The following KCNN3 variants were observed in gnomAD, a reference collection of about 807,000 sequenced individuals.
KCNN3 encodes small conductance calcium-activated potassium channel protein 3.
A neutral mutation model predicts 62.9 loss-of-function variants in KCNN3; 16 were observed. The ratio of observed to expected loss-of-function variants is 0.25; its 90% confidence interval spans 0.17 to 0.39. The LOEUF is 0.39. KCNN3 is among the 10% of genes least tolerant of loss of function. KCNN3 has a pLI of 1.00. For missense variants in KCNN3, 599 were observed against 949.4 expected, an observed-to-expected ratio of 0.63 and a Z score of 4.85; for synonymous variants, 370 against 389.2, an observed-to-expected ratio of 0.95 and a Z score of 0.58.
At chr1:154,831,055 A>G (rs1651360720) in intron 1 of KCNN3, among the ~76,000 whole-genome samples, 1 of 152,206 alleles carries the variant, frequency 6.6e-6, no homozygotes, top group South Asian at 2.1e-4. Context: ...CAAAGATTCC[A>G]TGCGATTCAA....
intron 1 of KCNN3, among the ~76,000 whole-genome samples, chr1:154,834,366 G>A (rs1651496303): frequency 6.6e-6 from 1 of 152,204 alleles, no homozygotes; most frequent in South Asian, 2.1e-4. Flanking sequence ...AAGACTCCTT[G>A]GGTGCTGGTC....
At chr1:154,859,879 G>GA (rs1288827655) in intron 1 of KCNN3, 1 of 1,509,078 alleles carries the variant, frequency 6.6e-7, no homozygotes, top group East Asian at 2.4e-5. Context: ...TGTCCTTTAA[G>GA]AAAAATGCCC....
chr1:154,802,607 G>C (rs921129785), intron 2 of KCNN3, among the ~76,000 whole-genome samples: 2 of 152,260 alleles, frequency 1.3e-5, no homozygotes, highest in East Asian at 1.9e-4. Flanking sequence ...ACTCAGTCAT[G>C]GTTTAGGAAG....
At chr1:154,709,426 G>A (rs530672686) in intron 7 of KCNN3, among the ~76,000 whole-genome samples, 6 of 152,176 alleles carry the variant, frequency 3.9e-5, no homozygotes, top group Admixed American at 1.3e-4. Context: ...CCTATTTCAC[G>A]TGAAATTTCA....
In KCNN3 at chr1:154,869,620, G is replaced by A. The variant is rs1295917259; in HGVS notation, c.345C>T (p.Asn115=). Residue 115 remains asparagine (N), a synonymous_variant, in exon 1 of 8, where the codon AAC becomes AAT. Transcript: ENST00000271915. The surrounding 1 kb of genome is among the most constrained non-coding windows in gnomAD (Gnocchi z 6.1). ...AGGAAGGGTGGAGGATGGCGGTGGA[G>A]TTGGACGAAGGGGGGGCCCTGAAAG... The part of the protein sequence containing the change: ...PTAFRAPPSS[N]STAILHPSSR... 2 of 1,614,068 alleles carry A rather than the reference G, an allele frequency of 1.2e-6. No homozygotes were observed. Among genetic ancestry groups the A allele is most frequent in the East Asian group, 2.2e-5 (1 of 44,878 alleles).
At chr1:154,714,576 G>T (rs1571204459) in intron 6 of KCNN3, among the ~76,000 whole-genome samples, 1 of 62,638 alleles carries the variant, frequency 1.6e-5, no homozygotes, top group Non-Finnish European at 3.3e-5. Context: ...TGGTGTGTGT[G>T]TGTGGTGTGT....
In KCNN3 at chr1:154,870,125, G is replaced by T. The variant is rs756885616; in HGVS notation, c.-161C>A. The T allele has an allele frequency of 7.3e-6, 6 of 823,286 alleles. No individual in the cohort carries two copies. The East Asian group carries it at 1.1e-4, about 15-fold the overall frequency. The allele number at this position is 823,286 out of a possible 1,614,324, so 51.0% of individuals were successfully genotyped here. A position where few individuals can be genotyped will look rare whatever the true frequency, so the allele number is the denominator to read the frequency against. On this transcript the variant is annotated 5_prime_UTR_variant, in exon 1 of 8. Coordinates refer to ENST00000271915, the MANE Select transcript of KCNN3 (RefSeq NM_002249.6). The stretch of plus-strand genomic sequence containing the variant: ...CTTCGGTTCTCTGGGGCTGCCTGGA[G>T]TCCAGACGCTGCCACTCAAGAATGC...
intron 5 of KCNN3, among the ~76,000 whole-genome samples, chr1:154,722,059 C>A (rs927944178): frequency 6.6e-6 from 1 of 151,952 alleles, no homozygotes; most frequent in South Asian, 2.1e-4. Flanking sequence ...TGCTATCAGA[C>A]CCTCTTCCCT....
At chr1:154,731,076 C>T (rs1700583167) in intron 4 of KCNN3, among the ~76,000 whole-genome samples, 1 of 152,176 alleles carries the variant, frequency 6.6e-6, no homozygotes, top group Non-Finnish European at 1.5e-5. Flanking sequence ...TTTAAAATAA[C>T]AGAGGCTCCC....
intron 1 of KCNN3, among the ~76,000 whole-genome samples, chr1:154,838,361 G>T (rs1373366053): frequency 6.6e-6 from 1 of 152,092 alleles, no homozygotes; most frequent in African/African-American, 2.4e-5. Flanking sequence ...AGTAATTTAA[G>T]ACACAAATCG....
At chr1:154,776,443 G>T (rs946533312) in intron 2 of KCNN3, among the ~76,000 whole-genome samples, 2 of 152,122 alleles carry the variant, frequency 1.3e-5, no homozygotes, top group African/African-American at 2.4e-5. Context: ...AGTAGGGGGT[G>T]GGGGAGAGTT....
intron 1 of KCNN3, among the ~76,000 whole-genome samples, chr1:154,853,318 GGTTTTTGTTTTCT>G (rs1374553013): frequency 6.6e-6 from 1 of 151,704 alleles, no homozygotes; most frequent in Admixed American, 6.6e-5. Context: ...TTTTATTTGT[GGTTTTTGTTTTCT>G]GTTTTTGTTT....
chr1:154,804,617 CG>C (rs1557984536), intron 2 of KCNN3, among the ~76,000 whole-genome samples: 2 of 152,042 alleles, frequency 1.3e-5, no homozygotes, highest in African/African-American at 4.8e-5. Context: ...AGTAGGGAAT[CG>C]GTATCTGCTG....
intron 4 of KCNN3, among the ~76,000 whole-genome samples, chr1:154,730,019 G>T (rs1469065684): frequency 6.6e-6 from 1 of 152,226 alleles, no homozygotes; most frequent in Admixed American, 6.5e-5. Context: ...ATGCCAAGCA[G>T]CCTTGGGGGC....
At position 154,809,914 on chromosome 1, in the gene KCNN3, C is replaced by G. The variant is rs543318504; in HGVS notation, c.1029+12175G>C. The stretch of plus-strand genomic sequence containing the variant: ...CACTGGCTGTCTTTGGCTGCAGTAA[C>G]AAAGTGAGAAAGCAGGTCGGTGCCT... On this transcript the variant is annotated intron_variant, in intron 2 of 7. Transcript: ENST00000271915. This position sits in a 1 kb window ranked among gnomAD's most constrained non-coding sequence, Gnocchi z 4.3. Among the ~76,000 whole-genome samples the G allele has an allele frequency of 6.6e-6, 1 of 152,306 alleles. No homozygotes were observed. The highest frequency in any genetic ancestry group is 1.9e-4 in the East Asian group (1 of 5,190).
Position 154,869,475 on chromosome 1 carries a change from G to A in KCNN3, c.490C>T (p.Arg164Trp), listed in dbSNP as rs1189715733. The A allele has an allele frequency of 6.2e-7, 1 of 1,614,100 alleles. No individual in the cohort carries two copies. Among genetic ancestry groups the A allele is most frequent in the East Asian group, 2.2e-5 (1 of 44,876 alleles). The change falls in exon 1 of 8, where the codon CGG becomes TGG. Residue 164 changes from arginine (R) to tryptophan (W), a missense_variant. Transcript: ENST00000271915. This position sits in a 1 kb window ranked among gnomAD's most constrained non-coding sequence, Gnocchi z 6.1. ...TCCGTGAAGGGGTTGCTGTCCCGCC[G>A]GTGCACCAGGGGGCTGGCCTGTCGG... ...RHRQASPLVH[R>W]RDSNPFTEIA...
chr1:154,764,634 T>C (rs1648176324), intron 3 of KCNN3, among the ~76,000 whole-genome samples: 1 of 152,242 alleles, frequency 6.6e-6, no homozygotes, highest in South Asian at 2.1e-4. Context: ...GCATCTGGCA[T>C]GCTTTTACTA....
Position 154,757,746 on chromosome 1 carries a change from C to T in KCNN3, c.1448+14229G>A, listed in dbSNP as rs531752574. ...CTGATGACCAGGGGAGGAGAGTGAG[C>T]GAGAGGGTGGAGTCTGACCAGAAGT... On this transcript the variant is annotated intron_variant, in intron 3 of 7. Transcript: ENST00000271915. Among the ~76,000 whole-genome samples, 31 of 152,190 alleles carry T rather than the reference C, an allele frequency of 2.0e-4. No individual in the cohort carries two copies. The South Asian group carries it at 5.2e-3, about 26-fold the overall frequency.
intron 4 of KCNN3, among the ~76,000 whole-genome samples, chr1:154,732,051 C>T (rs1700605353): frequency 6.6e-6 from 1 of 152,228 alleles, no homozygotes; most frequent in Non-Finnish European, 1.5e-5. Context: ...CCAACACTGA[C>T]CTGTGTGTGG....
Sources: gnomAD v4.1 joint callset for allele counts (sites outside exome capture counted in the v4.1 genomes callset) on GRCh38, gnomAD v4.1.1 for gene constraint, Gnocchi (gnomAD v3.1) non-coding constraint, MANE v1.5 for transcripts, NCBI Gene and HGNC (gene_info 2026-07-23, HGNC 2026-07-21) for gene names.